The following NSD3 variants were observed in gnomAD, a reference collection of about 807,000 sequenced individuals.
The protein encoded by NSD3 is histone-lysine N-methyltransferase NSD3.
A neutral mutation model predicts 160.8 loss-of-function variants in NSD3; 24 were observed. The ratio of observed to expected loss-of-function variants is 0.15; its 90% CI spans 0.11 to 0.21. The LOEUF (loss-of-function observed/expected upper bound fraction) is 0.21, where lower values mean the gene tolerates loss of function less well. NSD3 is among the 10% of genes least tolerant of loss of function. NSD3 has a pLI of 1.00. For missense variants in NSD3, 1,157 were observed against 1,735.9 expected, an observed-to-expected ratio of 0.67 and a Z score of 5.93; for synonymous variants, 520 against 600.0, an observed-to-expected ratio of 0.87 and a Z score of 1.95.
chr8:38,345,507 T>C (rs1489507369), intron 2 of NSD3, among the ~76,000 whole-genome samples: 1 of 152,192 alleles, frequency 6.6e-6, no homozygotes, highest in African/African-American at 2.4e-5. Context: ...TTTGGTCAAG[T>C]TGATATTCCT....
Position 38,345,223 on chromosome 8 carries a change from G to A in NSD3, c.675+2274C>T, listed in dbSNP as rs569052771. On this transcript the variant is annotated intron_variant, in intron 2 of 23. Coordinates refer to ENST00000317025, the MANE Select transcript of NSD3 (RefSeq NM_023034.2). ...AGAAGGGGTGAGAGGGAGAGGGAGA[G>A]AGAGAGAGGAGAGAGGCAGAGAAGA... 5.4e-5 allele frequency among the ~76,000 whole-genome samples: 8 copies of A among 148,388 alleles called. No homozygotes were observed. In the South Asian group the frequency reaches 1.7e-3, roughly 32 times the overall value.
intron 1 of NSD3, among the ~76,000 whole-genome samples, chr8:38,362,709 T>C (rs1811006287): frequency 2.0e-5 from 3 of 152,180 alleles, no homozygotes; most frequent in Admixed American, 1.3e-4. Context: ...ATATAAACAA[T>C]TGACAACATA....
In NSD3 at chr8:38,275,878, C is replaced by G. The variant is rs775347071; in HGVS notation, c.4077G>C (p.Lys1359Asn). The change falls in exon 24 of 24, where the codon AAG (lysine) becomes AAC (asparagine). Residue 1359 changes from lysine to asparagine, a missense_variant. By Grantham distance (94) the Lys-to-Asn change is moderately conservative. Around this residue, in one of 10 missense-constraint regions of NSD3, gnomAD observed 222 missense variants for 409.9 expected, o/e 0.54. Transcript: ENST00000317025. ...CGCACTGATGCCACGGACACTCCCA[C>G]TTTCCTAATTCGGGGAGATGGGGAG... ...CLNLTQPPYG[K>N]WECPWHQCDE... 2 of 1,613,108 alleles carry G rather than the reference C, an allele frequency of 1.2e-6. No individual in the cohort carries two copies. The highest frequency in any genetic ancestry group is 1.7e-6 in the Non-Finnish European group (2 of 1,179,368).
At position 38,348,037 on chromosome 8, in the gene NSD3, G is replaced by T; in HGVS notation, c.135C>A (p.Gly45=). The part of the protein sequence containing the change: ...DNNSDIAEDG[G]QTPYEATLQQ... Reference sequence around the variant, plus strand: ...GCAAAGTAGCTTCATATGGTGTCTGGCCACCATCTTCAGCAATGTCACTGT... The same window carrying T: ...GCAAAGTAGCTTCATATGGTGTCTGTCCACCATCTTCAGCAATGTCACTGT... The change falls in exon 2 of 24, where the codon GGC becomes GGA. Residue 45 remains glycine (G), a synonymous_variant. Transcript: ENST00000317025. 6.2e-7 allele frequency: 1 copy of T among 1,614,164 alleles called. No homozygotes were observed. The highest frequency in any genetic ancestry group is 1.1e-5 in the South Asian group (1 of 91,076).
intron 6 of NSD3, among the ~76,000 whole-genome samples, chr8:38,328,723 A>G (rs931077822): frequency 6.6e-6 from 1 of 152,346 alleles, no homozygotes; most frequent in Non-Finnish European, 1.5e-5. Context: ...CGGAATAAAT[A>G]CCTACCAATA....
In NSD3 at chr8:38,331,513, C is replaced by T. The variant is rs752471679; in HGVS notation, c.983G>A (p.Arg328Gln). 5.0e-6 allele frequency: 8 copies of T among 1,613,868 alleles called. No homozygotes were observed. Among genetic ancestry groups the T allele is most frequent in the African/African-American group, 1.3e-5 (1 of 74,912 alleles). The change falls in exon 5 of 24, where the codon CGA (arginine) becomes CAA (glutamine). Residue 328 changes from arginine (R) to glutamine (Q), a missense_variant. By Grantham distance (43) the Arg-to-Gln change is conservative (BLOSUM62 1). This residue lies in a region of NSD3 where 168 missense variants were observed against 208.1 expected (regional missense o/e 0.81). Transcript: ENST00000317025. ...ATACTGTTTATGACCTTTATACTCT[C>T]GTACCCGTTTTTCATGAACCCACGC... ...ERAWVHEKRVREYKGHKQYEE... is the reference protein window; with the variant it reads ...ERAWVHEKRVQEYKGHKQYEE...
intron 19 of NSD3, among the ~76,000 whole-genome samples, chr8:38,286,640 C>T (rs1475768434): frequency 5.3e-5 from 8 of 152,188 alleles, no homozygotes; most frequent in Non-Finnish European, 1.2e-4. Context: ...CTAGTAAAAT[C>T]CTCCAGATGT....
Position 38,331,601 on chromosome 8 carries a change from C to T in NSD3, c.911-16G>A, listed in dbSNP as rs1480388370. 6.2e-7 allele frequency: 1 copy of T among 1,608,128 alleles called. No homozygotes were observed. Among genetic ancestry groups the T allele is most frequent in the Non-Finnish European group, 8.5e-7 (1 of 1,178,302 alleles). ...TCTCGGGCACCTGTAAGTAAAAATTCTTATTAACCATTTCAGAACATAAGC... is the reference window on the plus strand; with the variant it reads ...TCTCGGGCACCTGTAAGTAAAAATTTTTATTAACCATTTCAGAACATAAGC... On this transcript the variant is annotated splice_polypyrimidine_tract_variant and intron_variant, in intron 4 of 23. Transcript: ENST00000317025.
At chr8:38,360,183 G>C (rs1303066733) in intron 1 of NSD3, among the ~76,000 whole-genome samples, 2 of 152,054 alleles carry the variant, frequency 1.3e-5, no homozygotes, top group Admixed American at 1.3e-4. Flanking sequence ...TTGTTGTAGA[G>C]ACAGGGTTTT....
chr8:38,359,752 A>C (rs142184000), intron 1 of NSD3, among the ~76,000 whole-genome samples: 40 of 152,296 alleles, frequency 2.6e-4, no homozygotes, highest in African/African-American at 9.6e-4. Flanking sequence ...TGTTTTGTCA[A>C]GGAAATAAAA....
Position 38,288,857 on chromosome 8 carries a change from A to G in NSD3, c.3232-101T>C, listed in dbSNP as rs756518419. 7.0e-7 allele frequency: 1 copy of G among 1,427,386 alleles called. No homozygotes were observed. Among genetic ancestry groups the G allele is most frequent in the Non-Finnish European group, 9.5e-7 (1 of 1,056,986 alleles). 88.4% of individuals were successfully genotyped at this position (1,427,386 alleles called of 1,614,324 possible). A position where few individuals can be genotyped will look rare whatever the true frequency, so the allele number is the denominator to read the frequency against. On this transcript the variant is annotated intron_variant, in intron 18 of 23. Transcript: ENST00000317025. This position sits in a 1 kb window ranked among gnomAD's most constrained non-coding sequence, Gnocchi z 4.5. Reference sequence around the variant, plus strand: ...ATCCACGCTACTGCCTCGTGGTGCTACTCCGAGAAAGGTTGTCTTTCCTGA... The same window carrying G: ...ATCCACGCTACTGCCTCGTGGTGCTGCTCCGAGAAAGGTTGTCTTTCCTGA...
chr8:38,301,595 TATA>T (rs1809278272), intron 14 of NSD3, among the ~76,000 whole-genome samples: 1 of 152,120 alleles, frequency 6.6e-6, no homozygotes, highest in African/African-American at 2.4e-5. Flanking sequence ...AAAAAAGTTA[TATA>T]ATGTTGAAAT....
At chr8:38,314,178 T>C (rs903379429) in intron 12 of NSD3, among the ~76,000 whole-genome samples, 3 of 152,214 alleles carry the variant, frequency 2.0e-5, no homozygotes, top group African/African-American at 7.2e-5. Flanking sequence ...CAAATTATTT[T>C]AGTAGGTGGT....
chr8:38,371,859 C>A (rs1336882037), intron 1 of NSD3, among the ~76,000 whole-genome samples: 1 of 152,156 alleles, frequency 6.6e-6, no homozygotes, highest in African/African-American at 2.4e-5. Flanking sequence ...AAAAAGCATT[C>A]AAATTTTTCT....
chr8:38,295,661 T>A, intron 16 of NSD3, 135 bp downstream of exon 16: 1 of 818,518 alleles, frequency 1.2e-6, no homozygotes, highest in East Asian at 2.8e-5. Flanking sequence ...CAAAACATGG[T>A]TCTTTTCTTT....
At chr8:38,299,247 A>C (rs1413948755) in intron 15 of NSD3, among the ~76,000 whole-genome samples, 197 bp downstream of exon 15, 1 of 152,184 alleles carries the variant, frequency 6.6e-6, no homozygotes, top group African/African-American at 2.4e-5. Context: ...AGTATGTAAA[A>C]ATGTGCAACA....
Position 38,317,127 on chromosome 8 carries a change from C to CA in NSD3, c.1856-1086dup, listed in dbSNP as rs1322512840. 9.4e-6 allele frequency: 10 copies of CA among 1,062,566 alleles called. No individual in the cohort carries two copies. Among genetic ancestry groups the CA allele is most frequent in the Middle Eastern group, 8.4e-4 (2 of 2,380 alleles). The allele number at this position is 1,062,566 out of a possible 1,614,324, so 65.8% of individuals were successfully genotyped here. On this transcript the variant is annotated intron_variant, in intron 9 of 23. Transcript: ENST00000317025. This position sits in a 1 kb window ranked among gnomAD's most constrained non-coding sequence, Gnocchi z 5.3. The stretch of plus-strand genomic sequence containing the variant: ...AGTCTCCTGAGGCCATGAAGATCCG[C>CA]AACAGGCTGAGTGAGAGTAGCACTT...
At chr8:38,283,003 T>C (rs1049951131) in intron 19 of NSD3, among the ~76,000 whole-genome samples, 1 of 152,332 alleles carries the variant, frequency 6.6e-6, no homozygotes, top group African/African-American at 2.4e-5. Flanking sequence ...TGCTGCACCA[T>C]ATGGTGAGTG....
At chr8:38,300,000 C>T (rs1248563305) in intron 14 of NSD3, among the ~76,000 whole-genome samples, 1 of 151,688 alleles carries the variant, frequency 6.6e-6, no homozygotes, top group East Asian at 1.9e-4. Flanking sequence ...ATAAGTAGAC[C>T]CTGATCTACC....
Sources: allele counts gnomAD v4.1 joint callset (sites outside exome capture counted in the v4.1 genomes callset), GRCh38; gene constraint gnomAD v4.1.1; regional missense constraint gnomAD v4.1.1; non-coding constraint Gnocchi (gnomAD v3.1); transcripts MANE v1.5; gene names NCBI Gene and HGNC (gene_info 2026-07-23, HGNC 2026-07-21).